The following UNC13C variants were observed in gnomAD, a reference collection of about 807,000 sequenced individuals.
The protein encoded by UNC13C is unc-13 homolog C, also known as protein unc-13 homolog C.
Under a neutral mutation model 245.4 loss-of-function variants are expected in UNC13C, and 174 were observed. The observed-to-expected ratio is 0.71, with a 90% CI of 0.63 to 0.80. The LOEUF is 0.80. Ranked by LOEUF, UNC13C falls within the 30% of genes least tolerant of loss-of-function variation. The pLI, the probability that UNC13C is intolerant of heterozygous loss-of-function variation, is 0.00. For synonymous variants in UNC13C, 992 were observed against 895.1 expected (o/e 1.11, Z -1.93); for missense variants, 2,829 against 2,602.9 (o/e 1.09, Z -1.89).
chr15:54,108,524 G>A (rs193047309), intron 2 of UNC13C, among the ~76,000 whole-genome samples: 93 of 152,148 alleles, frequency 6.1e-4, no homozygotes, highest in African/African-American at 2.2e-3. Context: ...TCAATAAAAC[G>A]TGTAGGCCAA....
In UNC13C at chr15:54,473,522, C is replaced by T. The variant is rs548801519; in HGVS notation, c.4934-21086C>T. On this transcript the variant is annotated intron_variant, in intron 19 of 32. Transcript: ENST00000260323. Reference sequence around the variant, plus strand: ...TCTTGATTCTCTCCTCTACCCTTCTCAGCCTCTTATAACTATCATTCTACC... The same window carrying T: ...TCTTGATTCTCTCCTCTACCCTTCTTAGCCTCTTATAACTATCATTCTACC... 6.1e-4 allele frequency among the ~76,000 whole-genome samples: 93 copies of T among 151,930 alleles called. No individual in the cohort carries two copies. The South Asian group carries it at 0.019, about 31-fold the overall frequency.
intron 2 of UNC13C, among the ~76,000 whole-genome samples, chr15:54,099,310 G>C (rs916697277): frequency 2.6e-5 from 4 of 152,170 alleles, no homozygotes; most frequent in African/African-American, 2.4e-5. Context: ...GCCAGGTCAG[G>C]GTTAAATCTA....
At chr15:54,280,677 T>TATATGTATGTATATAC (rs2036958942) in intron 10 of UNC13C, among the ~76,000 whole-genome samples, 1 of 85,092 alleles carries the variant, frequency 1.2e-5, no homozygotes, top group Admixed American at 1.1e-4. Flanking sequence ...TACATATACA[T>TATATGTATGTATATAC]ATATACATAT....
At chr15:54,571,343 A>C (rs567046963) in intron 30 of UNC13C, among the ~76,000 whole-genome samples, 62 of 152,296 alleles carry the variant, frequency 4.1e-4, no homozygotes, top group African/African-American at 1.4e-3. Flanking sequence ...TTATAAAACC[A>C]TCAGATCTCA....
At chr15:53,920,418 G>T in the UNC13C span, among the ~76,000 whole-genome samples, 2 of 152,100 alleles carry the variant, frequency 1.3e-5, no homozygotes, top group Admixed American at 6.6e-5. Flanking sequence ...GCTGGGTGTG[G>T]TGGTGTGTGC....
chr15:53,972,149 G>GA, the UNC13C span, among the ~76,000 whole-genome samples: 3 of 152,162 alleles, frequency 2.0e-5, no homozygotes, highest in African/African-American at 4.8e-5. Context: ...GAAGGAGAGA[G>GA]AAAAAACGGC....
chr15:54,263,018 T>C (rs2036465694), intron 8 of UNC13C, among the ~76,000 whole-genome samples: 1 of 152,208 alleles, frequency 6.6e-6, no homozygotes, highest in Admixed American at 6.5e-5. Flanking sequence ...TCTTTTATTG[T>C]AGAAATTGTG....
intron 2 of UNC13C, among the ~76,000 whole-genome samples, chr15:54,081,893 C>A (rs936458938): frequency 2.0e-5 from 3 of 152,120 alleles, no homozygotes; most frequent in Admixed American, 2.0e-4. Context: ...GAACTTTGTA[C>A]TTACCTGTCC....
intron 2 of UNC13C, among the ~76,000 whole-genome samples, chr15:54,105,996 G>A (rs9788641): frequency 1.1e-4 from 17 of 152,162 alleles, no homozygotes; most frequent in African/African-American, 3.9e-4. Context: ...ATGATCACTA[G>A]GTAGATACTT....
upstream of UNC13C, among the ~76,000 whole-genome samples, chr15:53,973,504 A>G (rs536199921): frequency 6.6e-6 from 1 of 152,138 alleles, no homozygotes; most frequent in Non-Finnish European, 1.5e-5. Flanking sequence ...CCCAAATTGG[A>G]AACCAGGCAC....
the UNC13C span, among the ~76,000 whole-genome samples, chr15:53,960,480 T>A: frequency 4.5e-4 from 69 of 152,278 alleles, no homozygotes; most frequent in South Asian, 3.1e-3. Flanking sequence ...TAGTGTATCA[T>A]TTAATGAAAA....
chr15:54,434,071 T>C (rs1000700612), intron 19 of UNC13C, among the ~76,000 whole-genome samples: 2 of 151,810 alleles, frequency 1.3e-5, no homozygotes, highest in Non-Finnish European at 2.9e-5. Context: ...CACTGCTCAA[T>C]GAAATAAGAG....
chr15:53,916,295 G>A, the UNC13C span, among the ~76,000 whole-genome samples: 1 of 152,194 alleles, frequency 6.6e-6, no homozygotes, highest in East Asian at 1.9e-4. Context: ...CAGGTCAATA[G>A]GAAGTAGTCC....
chr15:53,893,133 T>C, the UNC13C span, among the ~76,000 whole-genome samples: 73 of 152,116 alleles, frequency 4.8e-4, no homozygotes, highest in Non-Finnish European at 8.8e-4. Context: ...TCTGCTGGAG[T>C]TTTCTGAGGT....
In UNC13C at chr15:54,459,292, G is replaced by T. The variant is rs1891706461; in HGVS notation, c.4934-35316G>T. Among the ~76,000 whole-genome samples the T allele has an allele frequency of 1.3e-5, 2 of 152,090 alleles. 1 individual carries two copies. Among genetic ancestry groups the T allele is most frequent in the South Asian group, 4.2e-4 (2 of 4,818 alleles). ...TCTGAAATCTACTGTTTCCTTTATA[G>T]GTTACCTGATGCTTTTGTCTTATAG... On this transcript the variant is annotated intron_variant, in intron 19 of 32. Transcript: ENST00000260323.
chr15:54,130,880 T>G (rs1010400135), intron 2 of UNC13C, among the ~76,000 whole-genome samples: 1 of 152,222 alleles, frequency 6.6e-6, no homozygotes, highest in African/African-American at 2.4e-5. Flanking sequence ...TTACAGATTC[T>G]ATTGTACCTG....
At chr15:54,069,936 A>C (rs150085424) in intron 2 of UNC13C, among the ~76,000 whole-genome samples, 2 of 152,358 alleles carry the variant, frequency 1.3e-5, no homozygotes, top group African/African-American at 4.8e-5. Context: ...GCCATTCCAC[A>C]TGCTTTATAC....
At chr15:54,601,525 G>A (rs746879784) in intron 30 of UNC13C, among the ~76,000 whole-genome samples, 1 of 152,156 alleles carries the variant, frequency 6.6e-6, no homozygotes, top group Non-Finnish European at 1.5e-5. Context: ...GGGCAAAGTG[G>A]TGTAGAAATT....
the UNC13C span, among the ~76,000 whole-genome samples, chr15:53,896,523 T>C: frequency 6.6e-6 from 1 of 152,204 alleles, no homozygotes. Flanking sequence ...TATTCAATGT[T>C]ATTATCATAA....
Sources: allele counts gnomAD v4.1 joint callset (sites outside exome capture counted in the v4.1 genomes callset), GRCh38; gene constraint gnomAD v4.1.1; transcripts MANE v1.5; gene names NCBI Gene and HGNC (gene_info 2026-07-23, HGNC 2026-07-21).